The following NRG3 variants were observed in gnomAD, a reference collection of about 807,000 sequenced individuals.
NRG3 encodes pro-neuregulin-3, membrane-bound isoform.
Under a neutral mutation model 66.9 loss-of-function variants are expected in NRG3, and 31 were observed. The observed-to-expected ratio is 0.46, with a 90% confidence interval of 0.35 to 0.63. NRG3 has a LOEUF of 0.63. NRG3 is among the 20% of genes least tolerant of loss of function. The pLI is 0.00. For synonymous variants in NRG3, 393 were observed against 359.4 expected (o/e 1.09, Z -1.06); for missense variants, 910 against 878.9 (o/e 1.04, Z -0.45).
intron 1 of NRG3, among the ~76,000 whole-genome samples, chr10:82,135,075 G>A (rs576999160): frequency 1.0e-3 from 149 of 147,268 alleles, no homozygotes; most frequent in Non-Finnish European, 1.7e-3. Flanking sequence ...GCAGTGAGCC[G>A]AGATCACACA....
intron 1 of NRG3, among the ~76,000 whole-genome samples, chr10:82,064,568 T>C (rs2064346502): frequency 6.6e-6 from 1 of 152,124 alleles, no homozygotes. Context: ...AAATTAGATA[T>C]AATCTTTGAT....
chr10:82,408,059 G>GAGAGAGAGCA (rs2087681656), intron 2 of NRG3, among the ~76,000 whole-genome samples: 1 of 110,676 alleles, frequency 9.0e-6, no homozygotes, highest in African/African-American at 4.4e-5. Context: ...GAGAGAGAGA[G>GAGAGAGAGCA]AGAGAGAGAG....
In NRG3 at chr10:82,067,528, A is replaced by G. The variant is rs888681593; in HGVS notation, c.823+191365A>G. Among the ~76,000 whole-genome samples, 6 of 152,134 alleles carry G rather than the reference A, an allele frequency of 3.9e-5. No homozygotes were observed. The East Asian group carries it at 1.2e-3, about 29-fold the overall frequency. The stretch of plus-strand genomic sequence containing the variant: ...ATGTCTGGCTAATTTTTATATTTTT[A>G]GTAGAGACGGGTTTTCGCCATGTTG... On this transcript the variant is annotated intron_variant, in intron 1 of 8. Transcript: ENST00000372141.
Position 82,960,033 on chromosome 10 carries a change from T to A in NRG3, c.1284+958T>A, listed in dbSNP as rs552842219. On this transcript the variant is annotated intron_variant, in intron 6 of 8. Transcript: ENST00000372141. Reference sequence around the variant, plus strand: ...AGCATTTGAGTATAATAGGCAATCATCCAGGACACATTCACACCCCTCCAA... The same window carrying A: ...AGCATTTGAGTATAATAGGCAATCAACCAGGACACATTCACACCCCTCCAA... Among the ~76,000 whole-genome samples, 7 of 152,312 alleles carry A rather than the reference T, an allele frequency of 4.6e-5. No homozygotes were observed. In the East Asian group the frequency reaches 1.3e-3, roughly 29 times the overall value.
chr10:82,440,393 G>C (rs1937985), intron 2 of NRG3, among the ~76,000 whole-genome samples: 30,856 of 129,122 alleles, frequency 0.24, 4,871 homozygotes, highest in African/African-American at 0.49. Flanking sequence ...CCTTCTTTTA[G>C]TTTTATTTAT....
chr10:82,366,289 C>A (rs1257583424), intron 2 of NRG3, among the ~76,000 whole-genome samples: 1 of 152,044 alleles, frequency 6.6e-6, no homozygotes, highest in Non-Finnish European at 1.5e-5. Flanking sequence ...CATATTGAAG[C>A]CAAGGAAAAG....
At chr10:82,534,903 C>T (rs544465765) in intron 2 of NRG3, among the ~76,000 whole-genome samples, 9 of 151,686 alleles carry the variant, frequency 5.9e-5, no homozygotes, top group Non-Finnish European at 1.3e-4. Flanking sequence ...TGGCTCACAC[C>T]TGTAATCCCA....
intron 4 of NRG3, among the ~76,000 whole-genome samples, chr10:82,909,548 T>C (rs925819547): frequency 6.6e-6 from 1 of 152,060 alleles, no homozygotes; most frequent in Admixed American, 6.6e-5. Context: ...GTGATAGGTA[T>C]TTTCTGTGCA....
At chr10:82,537,764 T>C (rs1365248605) in intron 2 of NRG3, among the ~76,000 whole-genome samples, 6 of 152,202 alleles carry the variant, frequency 3.9e-5, no homozygotes, top group African/African-American at 9.6e-5. Context: ...ATATATCCTA[T>C]GGCTTTGGAC....
At chr10:82,164,385 A>G (rs1564623422) in intron 1 of NRG3, among the ~76,000 whole-genome samples, 4 of 152,094 alleles carry the variant, frequency 2.6e-5, no homozygotes, top group Admixed American at 1.3e-4. Context: ...TCTTCTTGCT[A>G]TTTACAAATG....
Position 81,997,524 on chromosome 10 carries a change from G to A in NRG3, c.823+121361G>A, listed in dbSNP as rs187287892. Among the ~76,000 whole-genome samples, 3 of 152,172 alleles carry A rather than the reference G, an allele frequency of 2.0e-5. No homozygotes were observed. The East Asian group carries it at 5.8e-4, about 29-fold the overall frequency. ...GTCTCCTAAGACAGTGAAATGTGAA[G>A]CCTCAGCTATGTATTTGGAGGGCCC... On this transcript the variant is annotated intron_variant, in intron 1 of 8. Coordinates refer to ENST00000372141, the MANE Select transcript of NRG3 (RefSeq NM_001010848.4).
chr10:81,912,231 G>A (rs1845238071), intron 1 of NRG3, among the ~76,000 whole-genome samples: 1 of 152,122 alleles, frequency 6.6e-6, no homozygotes, highest in Non-Finnish European at 1.5e-5. Flanking sequence ...TGATGATGAT[G>A]ATGATGATTA....
intron 2 of NRG3, among the ~76,000 whole-genome samples, chr10:82,596,326 A>G (rs2047275915): frequency 6.6e-6 from 1 of 152,198 alleles, no homozygotes. Flanking sequence ...CTTTGCTTTT[A>G]GGGGACTTGT....
At chr10:82,697,724 G>A (rs1318841536) in intron 2 of NRG3, among the ~76,000 whole-genome samples, 5 of 152,176 alleles carry the variant, frequency 3.3e-5, no homozygotes, top group African/African-American at 1.2e-4. Context: ...GCATAAATAT[G>A]TGGGAAGTGG....
chr10:82,267,795 T>C (rs896131486), intron 1 of NRG3, among the ~76,000 whole-genome samples: 1 of 152,174 alleles, frequency 6.6e-6, no homozygotes, highest in Non-Finnish European at 1.5e-5. Context: ...AGGACTGATT[T>C]GCATTATCTC....
At chr10:82,462,209 A>T (rs911855614) in intron 2 of NRG3, among the ~76,000 whole-genome samples, 1 of 152,088 alleles carries the variant, frequency 6.6e-6, no homozygotes, top group African/African-American at 2.4e-5. Flanking sequence ...TTAGAGGTTG[A>T]TTTGGAAATG....
intron 3 of NRG3, among the ~76,000 whole-genome samples, chr10:82,848,946 A>G (rs541029462): frequency 6.6e-6 from 1 of 152,308 alleles, no homozygotes; most frequent in Non-Finnish European, 1.5e-5. Context: ...CTGTGAGTCC[A>G]TTAAACCTCT....
intron 1 of NRG3, among the ~76,000 whole-genome samples, chr10:82,293,384 C>G (rs2079856887): frequency 6.6e-6 from 1 of 152,072 alleles, no homozygotes; most frequent in African/African-American, 2.4e-5. Flanking sequence ...CTAGAGCAAG[C>G]CTAGAGAGGA....
At chr10:82,452,376 A>G (rs1375788987) in intron 2 of NRG3, among the ~76,000 whole-genome samples, 3 of 152,222 alleles carry the variant, frequency 2.0e-5, no homozygotes, top group South Asian at 2.1e-4. Flanking sequence ...GCTTTCAGGT[A>G]AAAATCTATA....
Sources: gnomAD v4.1 joint callset for allele counts (sites outside exome capture counted in the v4.1 genomes callset) on GRCh38, gnomAD v4.1.1 for gene constraint, MANE v1.5 for transcripts, NCBI Gene and HGNC (gene_info 2026-07-23, HGNC 2026-07-21) for gene names.